The following CDCA2 variants were observed in gnomAD, a reference collection of about 807,000 sequenced individuals.
CDCA2 encodes the protein cell division cycle associated 2.
In CDCA2, 44 loss-of-function variants were observed where a neutral mutation model predicts 67.0. That is an observed-to-expected ratio of 0.66 (90% CI 0.52 to 0.84). The LOEUF is 0.84. Ranked by LOEUF, CDCA2 falls within the 40% of genes least tolerant of loss-of-function variation. The probability of loss-of-function intolerance (pLI) is 0.00; values close to 1 mark genes in which losing one functional copy is unlikely to be tolerated. For synonymous variants in CDCA2, 447 were observed against 418.7 expected (o/e 1.07, Z -0.82); for missense variants, 1,253 against 1,203.2 (o/e 1.04, Z -0.61).
At chr8:25,490,609 G>A (rs1803965003) in intron 13 of CDCA2, among the ~76,000 whole-genome samples, 1 of 152,094 alleles carries the variant, frequency 6.6e-6, no homozygotes, top group Non-Finnish European at 1.5e-5. Flanking sequence ...GAGAGTGAGA[G>A]GTGGTACTGA....
intron 7 of CDCA2, among the ~76,000 whole-genome samples, chr8:25,476,616 G>A (rs909412415): frequency 3.3e-5 from 5 of 150,986 alleles, no homozygotes; most frequent in Admixed American, 6.6e-5. Context: ...GCAATGGTGC[G>A]GCCCCAGCTC....
chr8:25,479,648 T>C (rs1803488902), intron 7 of CDCA2: 1 of 479,242 alleles, frequency 2.1e-6, no homozygotes, highest in African/African-American at 1.9e-5. Context: ...TTTCAACCTC[T>C]GACTCAGAGA....
At chr8:25,504,847 G>C (rs1167971566) in intron 14 of CDCA2, among the ~76,000 whole-genome samples, 3 of 152,144 alleles carry the variant, frequency 2.0e-5, no homozygotes, top group Non-Finnish European at 1.5e-5. Context: ...GTTTTATGAT[G>C]ATCTATTTTC....
At chr8:25,492,047 C>G (rs1243474679) in intron 13 of CDCA2, among the ~76,000 whole-genome samples, 1 of 152,126 alleles carries the variant, frequency 6.6e-6, no homozygotes, top group Non-Finnish European at 1.5e-5. Flanking sequence ...CTGCCTTCCT[C>G]GGCCTCCCAA....
At chr8:25,462,249 G>A (rs1302210820) in intron 4 of CDCA2, 41 bp downstream of exon 4, 9 of 1,598,646 alleles carry the variant, frequency 5.6e-6, no homozygotes, top group Middle Eastern at 1.7e-4. Context: ...TTCCGTTAAT[G>A]AAGCTTTTGT....
At position 25,468,233 on chromosome 8, in the gene CDCA2, C is replaced by T. The variant is rs750680498; in HGVS notation, c.555C>T (p.Leu185=). The change falls in exon 6 of 15, where the codon CTC becomes CTT. Residue 185 remains leucine (L), a synonymous_variant. Coordinates refer to ENST00000330560, the MANE Select transcript of CDCA2 (RefSeq NM_152562.4). The part of the protein sequence containing the change: ...EMTDLTRKEG[L]SACQQSGFPA... ...TGTTTATAGCCAGAAAGGAAGGTCTCAGCGCTTGCCAGCAGTCTGGGTTCC... is the reference window on the plus strand; with the variant it reads ...TGTTTATAGCCAGAAAGGAAGGTCTTAGCGCTTGCCAGCAGTCTGGGTTCC... 2 of 1,604,548 alleles carry T rather than the reference C, an allele frequency of 1.2e-6. No individual in the cohort carries two copies. Among genetic ancestry groups the T allele is most frequent in the African/African-American group, 2.7e-5 (2 of 74,654 alleles).
chr8:25,507,752 CAG>C lies in CDCA2; in HGVS notation c.*17_*18del, dbSNP rs751178436. The stretch of plus-strand genomic sequence containing the variant: ...AGAAAGCAGTAATTGACATTTCCTG[CAG>C]AGTCTGTGGCAAGAGGGAAAGTAAC... On this transcript the variant is annotated 3_prime_UTR_variant, in exon 15 of 15. Transcript: ENST00000330560. The C allele has an allele frequency of 8.4e-5, 135 of 1,601,646 alleles. No homozygotes were observed. The African/African-American group carries it at 1.6e-3, about 19-fold the overall frequency.
chr8:25,500,449 A>G (rs7821669), intron 13 of CDCA2, among the ~76,000 whole-genome samples: 94,741 of 152,002 alleles, frequency 0.62, 31,175 homozygotes, highest in South Asian at 0.73. Flanking sequence ...TCCACAGTGC[A>G]TACATATATC....
intron 9 of CDCA2, among the ~76,000 whole-genome samples, 194 bp downstream of exon 9, chr8:25,483,680 T>C (rs1192708833): frequency 2.0e-5 from 3 of 152,222 alleles, no homozygotes; most frequent in East Asian, 1.9e-4. Context: ...CATGGATCCA[T>C]TTTTACTTAG....
At position 25,507,762 on chromosome 8, in the gene CDCA2, G is replaced by A. The variant is rs8537; in HGVS notation, c.*24G>A. On this transcript the variant is annotated 3_prime_UTR_variant, in exon 15 of 15. Coordinates refer to ENST00000330560, the MANE Select transcript of CDCA2 (RefSeq NM_152562.4). ...AATTGACATTTCCTGCAGAGTCTGT[G>A]GCAAGAGGGAAAGTAACCATCTATG... The A allele has an allele frequency of 0.7, 1,117,567 of 1,589,902 alleles. 397,542 individuals are homozygous for A. The highest frequency in any genetic ancestry group is 0.74 in the South Asian group (65,177 of 87,642).
chr8:25,506,920 T>G lies in CDCA2; in HGVS notation c.2254T>G (p.Phe752Val). Reference protein sequence around the residue: ...GGQNAENLCQFFKISPDLNIK... With the variant: ...GGQNAENLCQVFKISPDLNIK... Reference sequence around the variant, plus strand: ...TCAAAATGCAGAAAACCTTTGTCAGTTCTTTAAAATTTCACCAGATTTAAA... The same window carrying G: ...TCAAAATGCAGAAAACCTTTGTCAGGTCTTTAAAATTTCACCAGATTTAAA... The change falls in exon 15 of 15, where the codon TTC (phenylalanine) becomes GTC (valine). Residue 752 changes from phenylalanine (F) to valine (V), a missense_variant. Transcript: ENST00000330560. The G allele has an allele frequency of 6.2e-7, 1 of 1,612,348 alleles. No homozygotes were observed.
chr8:25,495,103 G>GT (rs1563280113), intron 13 of CDCA2, among the ~76,000 whole-genome samples: 1 of 152,144 alleles, frequency 6.6e-6, no homozygotes, highest in Non-Finnish European at 1.5e-5. Context: ...AGAAAGTAGA[G>GT]TACACATATA....
chr8:25,496,924 C>A (rs1174166856), intron 13 of CDCA2, among the ~76,000 whole-genome samples: 2 of 151,988 alleles, frequency 1.3e-5, no homozygotes, highest in Non-Finnish European at 2.9e-5. Context: ...ACACACAGAC[C>A]GAGGTGGTCT....
chr8:25,476,165 T>A (rs1268750373), intron 7 of CDCA2, among the ~76,000 whole-genome samples: 1 of 152,234 alleles, frequency 6.6e-6, no homozygotes, highest in Non-Finnish European at 1.5e-5. Flanking sequence ...TATTTTTGCC[T>A]GCAGATAGTT....
rs2117469427 is a variant in CDCA2, at chr8:25,460,108, A to G, written c.1-132A>G. On this transcript the variant is annotated intron_variant, in intron 1 of 14. Coordinates refer to ENST00000330560, the MANE Select transcript of CDCA2 (RefSeq NM_152562.4). ...TATACCCACAGAAATTAAAATAAAA[A>G]ATGAAACCTGTGACGTGTGTTTCTA... 7.4e-6 allele frequency: 6 copies of G among 813,984 alleles called. No homozygotes were observed. The South Asian group carries it at 9.5e-5, about 13-fold the overall frequency. The allele number at this position is 813,984 out of a possible 1,614,324, so 50.4% of individuals were successfully genotyped here.
At position 25,468,059 on chromosome 8, in the gene CDCA2, A is replaced by G. The variant is rs575872548; in HGVS notation, c.539-158A>G. 1.0e-4 allele frequency among the ~76,000 whole-genome samples: 14 copies of G among 136,756 alleles called. No individual in the cohort carries two copies. The East Asian group carries it at 1.1e-3, about 11-fold the overall frequency. 89.7% of individuals were successfully genotyped at this position (136,756 alleles called of 152,430 possible). On this transcript the variant is annotated intron_variant, in intron 5 of 14. Transcript: ENST00000330560. ...CTTGAGCCCAGAAGGTGGAGGTTGC[A>G]GTGAGCTGAAATCGCACCATTGTAC...
chr8:25,478,888 G>GTGTGTATATATATATATATATA (rs1006353040), intron 7 of CDCA2, among the ~76,000 whole-genome samples: 18 of 111,592 alleles, frequency 1.6e-4, no homozygotes, highest in African/African-American at 6.4e-4. Context: ...TTGTGTGTGT[G>GTGTGTATATATATATATATATA]TATATATATA....
intron 13 of CDCA2, among the ~76,000 whole-genome samples, chr8:25,498,463 C>CCCCG (rs71214578): frequency 4.8e-5 from 6 of 125,880 alleles, no homozygotes; most frequent in Admixed American, 4.0e-4. Flanking sequence ...ACCCCCCCCC[C>CCCCG]GCCCCCCAGG....
Position 25,466,237 on chromosome 8 carries a change from A to G in CDCA2, c.450A>G (p.Ser150=). The G allele has an allele frequency of 6.2e-7, 1 of 1,612,002 alleles. No individual in the cohort carries two copies. Among genetic ancestry groups the G allele is most frequent in the Admixed American group, 1.7e-5 (1 of 59,210 alleles). Residue 150 remains serine, a synonymous_variant, in exon 5 of 15, where the codon TCA becomes TCG. Transcript: ENST00000330560. ...GAGAACGAATATCAGCCTTCCAGTC[A>G]GCTTTTCACTCCATAAAGGAAAACG... is the stretch of plus-strand genomic sequence containing the variant. ...TLRERISAFQ[S]AFHSIKENEK...
Sources: gnomAD v4.1 joint callset for allele counts (sites outside exome capture counted in the v4.1 genomes callset) on GRCh38, gnomAD v4.1.1 for gene constraint, MANE v1.5 for transcripts, NCBI Gene and HGNC (gene_info 2026-07-23, HGNC 2026-07-21) for gene names.